Variants in ZZZ3 observed in about 807,000 individuals in gnomAD.
ZZZ3 encodes ZZ-type zinc finger-containing protein 3.
A neutral mutation model predicts 95.2 loss-of-function variants in ZZZ3; 22 were observed. That is an observed-to-expected ratio of 0.23 (90% confidence interval 0.17 to 0.33). The LOEUF is 0.33. Ranked by LOEUF, ZZZ3 falls within the 10% of genes least tolerant of loss-of-function variation. The probability of loss-of-function intolerance (pLI) is 1.00; values close to 1 mark genes in which losing one functional copy is unlikely to be tolerated. For missense variants in ZZZ3, 885 were observed against 1,066.5 expected (o/e 0.83, Z 2.37); for synonymous variants, 335 against 358.9 (o/e 0.93, Z 0.75).
chr1:77,577,127 C>A (rs1662041299), intron 11 of ZZZ3, among the ~76,000 whole-genome samples: 1 of 152,134 alleles, frequency 6.6e-6, no homozygotes, highest in African/African-American at 2.4e-5. Flanking sequence ...CAAAGAACAC[C>A]CTCAGCTACA....
At position 77,562,908 on chromosome 1, in the gene ZZZ3, C is replaced by G. The variant is rs1660535149; in HGVS notation, c.*2732G>C. On this transcript the variant is annotated 3_prime_UTR_variant, in exon 15 of 15. Coordinates refer to ENST00000370801, the MANE Select transcript of ZZZ3 (RefSeq NM_015534.6). ...GAAGTAATCTGCCTAGGTTAAAATCCAAGCATGACCACTTTACTAACTATA... is the reference window on the plus strand; with the variant it reads ...GAAGTAATCTGCCTAGGTTAAAATCGAAGCATGACCACTTTACTAACTATA... 1 of 152,376 alleles carries G rather than the reference C, an allele frequency of 6.6e-6. No homozygotes were observed. The highest frequency in any genetic ancestry group is 6.5e-5 in the Admixed American group (1 of 15,276). 9.4% of individuals were successfully genotyped at this position (152,376 alleles called of 1,614,324 possible). A position where few individuals can be genotyped will look rare whatever the true frequency, so the allele number is the denominator to read the frequency against.
At chr1:77,682,680 G>A (rs1457022810), upstream of ZZZ3, 1 of 152,204 alleles carries the variant, frequency 6.6e-6, no homozygotes, top group Non-Finnish European at 1.5e-5. Flanking sequence ...AGAATCGAGA[G>A]ATCTCGCGAT....
intron 5 of ZZZ3, among the ~76,000 whole-genome samples, chr1:77,605,126 G>A (rs1205450554): frequency 6.6e-6 from 1 of 152,198 alleles, no homozygotes; most frequent in African/African-American, 2.4e-5. Context: ...GTTGCTGAAA[G>A]AGGCACTGAA....
intron 1 of ZZZ3, among the ~76,000 whole-genome samples, chr1:77,652,619 A>C (rs549258917): frequency 6.6e-6 from 1 of 152,350 alleles, no homozygotes; most frequent in East Asian, 1.9e-4. Context: ...AAAGGAAAAC[A>C]TATGTCCACA....
intron 11 of ZZZ3, 44 bp from the exon 12 acceptor site, chr1:77,576,264 T>C (rs1661927694): frequency 6.8e-7 from 1 of 1,480,052 alleles, no homozygotes; most frequent in Non-Finnish European, 9.1e-7. Context: ...TGAAAAATCA[T>C]TACAAGAATC....
intron 6 of ZZZ3, among the ~76,000 whole-genome samples, chr1:77,584,286 C>T (rs1429166260): frequency 6.6e-6 from 1 of 152,070 alleles, no homozygotes; most frequent in African/African-American, 2.4e-5. Context: ...GGACAAGTTC[C>T]CATACAAATA....
In ZZZ3 at chr1:77,582,938, C is replaced by A. The variant is rs1002301334; in HGVS notation, c.1645-812G>T. ...TGGCCAACATGGTGAAACCCAGTCT[C>A]TACTAAAAATAAAAAAATTAGCCAG... On this transcript the variant is annotated intron_variant, in intron 6 of 14. Transcript: ENST00000370801. 2.0e-5 allele frequency among the ~76,000 whole-genome samples: 3 copies of A among 152,002 alleles called. No homozygotes were observed. In the East Asian group the frequency reaches 5.8e-4, roughly 29 times the overall value.
At chr1:77,652,353 A>G (rs765992279) in intron 1 of ZZZ3, among the ~76,000 whole-genome samples, 3 of 152,238 alleles carry the variant, frequency 2.0e-5, no homozygotes, top group Non-Finnish European at 2.9e-5. Flanking sequence ...AAAATGCTCA[A>G]TATCATTAGC....
At chr1:77,646,555 C>T (rs1669295865) in intron 1 of ZZZ3, among the ~76,000 whole-genome samples, 1 of 152,068 alleles carries the variant, frequency 6.6e-6, no homozygotes, top group South Asian at 2.1e-4. Flanking sequence ...TTTAAAAATG[C>T]ATGCTCTACA....
intron 5 of ZZZ3, among the ~76,000 whole-genome samples, chr1:77,608,844 A>C (rs978866325): frequency 9.9e-5 from 15 of 152,174 alleles, no homozygotes; most frequent in Non-Finnish European, 1.8e-4. Context: ...GGTTAAAGAT[A>C]GTCTCTGCAA....
intron 1 of ZZZ3, among the ~76,000 whole-genome samples, chr1:77,647,621 G>T (rs1405710934): frequency 6.6e-6 from 1 of 152,004 alleles, no homozygotes; most frequent in Admixed American, 6.6e-5. Context: ...TGAGTTCTGA[G>T]CATTTACTAC....
chr1:77,604,766 C>T (rs1326508678), intron 5 of ZZZ3, among the ~76,000 whole-genome samples: 1 of 152,170 alleles, frequency 6.6e-6, no homozygotes, highest in Non-Finnish European at 1.5e-5. Context: ...CACTGTAGTG[C>T]AAAATACACT....
intron 6 of ZZZ3, 101 bp from the exon 7 acceptor site, chr1:77,582,227 A>C (rs533093931): frequency 4.0e-6 from 4 of 993,320 alleles, no homozygotes; most frequent in Admixed American, 5.1e-5. Flanking sequence ...AAATCCAAAT[A>C]ATCAATGGGG....
chr1:77,627,855 T>C (rs1667464918), intron 5 of ZZZ3, among the ~76,000 whole-genome samples: 1 of 152,198 alleles, frequency 6.6e-6, no homozygotes, highest in South Asian at 2.1e-4. Flanking sequence ...TATCTGTTCA[T>C]GAAATGTTAT....
chr1:77,657,205 C>T (rs2100994515), intron 1 of ZZZ3, among the ~76,000 whole-genome samples: 1 of 152,304 alleles, frequency 6.6e-6, no homozygotes, highest in South Asian at 2.1e-4. Flanking sequence ...TGGTTTCTAA[C>T]TCCTGGCATC....
intron 5 of ZZZ3, among the ~76,000 whole-genome samples, chr1:77,609,943 TC>T (rs781614802): frequency 6.6e-6 from 1 of 151,402 alleles, no homozygotes; most frequent in South Asian, 2.1e-4. Context: ...ACAAAAAACT[TC>T]AAATAGATAA....
intron 1 of ZZZ3, among the ~76,000 whole-genome samples, chr1:77,655,266 A>G (rs1670167114): frequency 6.6e-6 from 1 of 152,252 alleles, no homozygotes; most frequent in Middle Eastern, 3.2e-3. Context: ...CTGGGGATTA[A>G]GTTTCAACAT....
chr1:77,578,181 G>A (rs1331909818), intron 11 of ZZZ3, among the ~76,000 whole-genome samples: 5 of 152,130 alleles, frequency 3.3e-5, no homozygotes, highest in African/African-American at 4.8e-5. Context: ...TATTATGTCA[G>A]TAAAGTGAAG....
intron 5 of ZZZ3, among the ~76,000 whole-genome samples, chr1:77,623,364 C>T (rs189435253): frequency 2.6e-5 from 4 of 152,214 alleles, no homozygotes; most frequent in East Asian, 3.9e-4. Flanking sequence ...GAATATAATG[C>T]TGCACACACA....
Sources: gnomAD v4.1 joint callset for allele counts (sites outside exome capture counted in the v4.1 genomes callset) on GRCh38, gnomAD v4.1.1 for gene constraint, MANE v1.5 for transcripts, NCBI Gene and HGNC (gene_info 2026-07-23, HGNC 2026-07-21) for gene names.